GPC5: variants seen among roughly 807,000 people sequenced by gnomAD.
The protein encoded by GPC5 is glypican-5.
A neutral mutation model predicts 53.9 loss-of-function variants in GPC5; 47 were observed. That is an observed-to-expected ratio of 0.87 (90% confidence interval 0.69 to 1.11). The LOEUF (loss-of-function observed/expected upper bound fraction) is 1.11. Ranked by LOEUF, GPC5 falls within the 50% of genes most tolerant of loss-of-function variation. The pLI, the probability that GPC5 is intolerant of heterozygous loss-of-function variation, is 0.00. For missense variants in GPC5, 748 were observed against 713.1 expected (o/e 1.05, Z -0.56); for synonymous variants, 286 against 263.3 (o/e 1.09, Z -0.84).
chr13:91,583,419 T>G (rs2032444526), intron 2 of GPC5, among the ~76,000 whole-genome samples: 1 of 152,142 alleles, frequency 6.6e-6, no homozygotes, highest in Non-Finnish European at 1.5e-5. Context: ...TTACCAAGAA[T>G]ATATGCCAAG....
At chr13:92,200,374 A>C (rs2042285770) in intron 7 of GPC5, among the ~76,000 whole-genome samples, 1 of 152,246 alleles carries the variant, frequency 6.6e-6, no homozygotes, top group Admixed American at 6.5e-5. Context: ...ACATTTGCTA[A>C]GCACACATTT....
chr13:92,565,285 T>C (rs1277759136), intron 7 of GPC5, among the ~76,000 whole-genome samples: 1 of 152,144 alleles, frequency 6.6e-6, no homozygotes, highest in Admixed American at 6.6e-5. Context: ...CGAACATTTA[T>C]TGAGTGATTA....
chr13:91,973,752 G>T (rs547852494), intron 6 of GPC5, among the ~76,000 whole-genome samples: 1 of 152,266 alleles, frequency 6.6e-6, no homozygotes, highest in Non-Finnish European at 1.5e-5. Flanking sequence ...TGTTTGCCTG[G>T]GTGTCAGCAG....
intron 7 of GPC5, among the ~76,000 whole-genome samples, chr13:92,503,269 T>C (rs914945267): frequency 2.0e-5 from 3 of 151,848 alleles, no homozygotes; most frequent in Admixed American, 6.6e-5. Context: ...CAGTCTGTTA[T>C]TCCACAGTAG....
chr13:91,750,676 T>G (rs1458924774), intron 4 of GPC5, among the ~76,000 whole-genome samples: 19 of 138,402 alleles, frequency 1.4e-4, no homozygotes. Context: ...GGTAAGTCCT[T>G]TTTTTTTTTT....
At chr13:92,261,469 G>C (rs182152844) in intron 7 of GPC5, among the ~76,000 whole-genome samples, 3 of 151,710 alleles carry the variant, frequency 2.0e-5, no homozygotes, top group African/African-American at 2.4e-5. Flanking sequence ...TGTAGTGAAT[G>C]GTTCAGTTTC....
intron 7 of GPC5, among the ~76,000 whole-genome samples, chr13:92,454,664 T>C (rs904262699): frequency 3.3e-5 from 5 of 152,198 alleles, no homozygotes; most frequent in African/African-American, 1.2e-4. Context: ...TATCTTGACA[T>C]GGTATGCATT....
intron 7 of GPC5, among the ~76,000 whole-genome samples, chr13:92,178,800 C>T (rs1296142455): frequency 6.6e-6 from 1 of 151,956 alleles, no homozygotes. Flanking sequence ...CATGGTGAAA[C>T]CCCGTCTCTA....
intron 2 of GPC5, among the ~76,000 whole-genome samples, chr13:91,684,426 C>T (rs1310921414): frequency 3.3e-5 from 5 of 152,160 alleles, no homozygotes; most frequent in Non-Finnish European, 7.3e-5. Flanking sequence ...AGCCGGCATA[C>T]TCTTGCTTAT....
At chr13:91,720,744 C>T (rs1203614257) in intron 3 of GPC5, among the ~76,000 whole-genome samples, 1 of 152,150 alleles carries the variant, frequency 6.6e-6, no homozygotes, top group Non-Finnish European at 1.5e-5. Flanking sequence ...CAAATCTCTT[C>T]CTTTAGTCTT....
At chr13:92,491,199 A>G (rs1168321082) in intron 7 of GPC5, among the ~76,000 whole-genome samples, 1 of 152,094 alleles carries the variant, frequency 6.6e-6, no homozygotes, top group Admixed American at 6.6e-5. Context: ...TGATTCTGAG[A>G]TGTCCTTGAT....
intron 5 of GPC5, among the ~76,000 whole-genome samples, chr13:91,843,804 A>C (rs187125621): frequency 6.6e-6 from 1 of 152,310 alleles, no homozygotes; most frequent in African/African-American, 2.4e-5. Context: ...AAAAGGGGGA[A>C]ACAGCTGCCA....
chr13:92,754,340 G>A (rs1301831786), intron 7 of GPC5, among the ~76,000 whole-genome samples: 2 of 152,082 alleles, frequency 1.3e-5, no homozygotes, highest in Non-Finnish European at 2.9e-5. Flanking sequence ...CGCTAAACAT[G>A]GAAATGCACA....
At chr13:91,813,537 C>T (rs1014354704) in intron 5 of GPC5, among the ~76,000 whole-genome samples, 1 of 152,110 alleles carries the variant, frequency 6.6e-6, no homozygotes, top group African/African-American at 2.4e-5. Flanking sequence ...GGTGCCAAGG[C>T]CGGGTTGGTC....
At chr13:91,629,063 C>T (rs770319290) in intron 2 of GPC5, among the ~76,000 whole-genome samples, 1 of 152,154 alleles carries the variant, frequency 6.6e-6, no homozygotes, top group Non-Finnish European at 1.5e-5. Flanking sequence ...TCTCTGGCTT[C>T]TGCCACATGG....
chr13:91,715,538 G>T (rs1000940180), intron 3 of GPC5, among the ~76,000 whole-genome samples: 3 of 152,050 alleles, frequency 2.0e-5, no homozygotes, highest in Admixed American at 6.6e-5. Flanking sequence ...GTGAGGATAA[G>T]GTTATAGAAG....
At position 91,681,509 on chromosome 13, in the gene GPC5, A is replaced by G. The variant is rs148517419; in HGVS notation, c.326-11678A>G. ...GAATTTATGCAGCATCACCAGCAGTATTCCCTATAACCTAAATCTTTTCCC... is the reference window on the plus strand; with the variant it reads ...GAATTTATGCAGCATCACCAGCAGTGTTCCCTATAACCTAAATCTTTTCCC... On this transcript the variant is annotated intron_variant, in intron 2 of 7. Coordinates refer to ENST00000377067, the MANE Select transcript of GPC5 (RefSeq NM_004466.6). 1.1e-4 allele frequency among the ~76,000 whole-genome samples: 17 copies of G among 152,326 alleles called. No individual in the cohort carries two copies. In the East Asian group the frequency reaches 3.3e-3, roughly 29 times the overall value.
At chr13:92,074,360 G>T (rs1454232405) in intron 6 of GPC5, among the ~76,000 whole-genome samples, 1 of 152,192 alleles carries the variant, frequency 6.6e-6, no homozygotes, top group African/African-American at 2.4e-5. Flanking sequence ...ATTTAGTACA[G>T]GAGCCATTTG....
intron 6 of GPC5, among the ~76,000 whole-genome samples, chr13:91,964,773 C>T (rs2040164536): frequency 2.0e-5 from 3 of 152,132 alleles, no homozygotes; most frequent in African/African-American, 7.2e-5. Flanking sequence ...GCTATGAAGA[C>T]ACATGCACAT....
Sources: gnomAD v4.1 joint callset for allele counts (sites outside exome capture counted in the v4.1 genomes callset) on GRCh38, gnomAD v4.1.1 for gene constraint, MANE v1.5 for transcripts, NCBI Gene and HGNC (gene_info 2026-07-23, HGNC 2026-07-21) for gene names.